The following ZNF141 variants were observed in gnomAD, a reference collection of about 807,000 sequenced individuals.
ZNF141 encodes zinc finger protein 141 (clone pHZ-44).
Under a neutral mutation model 11.3 loss-of-function variants are expected in ZNF141, and 7 were observed. That is an observed-to-expected ratio of 0.62 (90% CI 0.35 to 1.16). The LOEUF (loss-of-function observed/expected upper bound fraction) is 1.16. Among genes scored for constraint, ZNF141 ranks in the 50% most tolerant of loss-of-function variants. The pLI is 0.02. For missense variants in ZNF141, 535 were observed against 554.0 expected (o/e 0.97, Z 0.34); for synonymous variants, 183 against 190.7 (o/e 0.96, Z 0.33).
At chr4:340,900 C>T (rs570075832) in intron 1 of ZNF141, among the ~76,000 whole-genome samples, 15 of 152,262 alleles carry the variant, frequency 9.9e-5, no homozygotes, top group African/African-American at 3.4e-4. Context: ...TCAGTTCCGT[C>T]TGCCTTTCTT....
Position 344,399 on chromosome 4 carries a change from G to T in ZNF141, c.195G>T (p.Val65=). 2.5e-6 allele frequency: 4 copies of T among 1,607,806 alleles called. No individual in the cohort carries two copies. Among genetic ancestry groups the T allele is most frequent in the Non-Finnish European group, 3.4e-6 (4 of 1,175,590 alleles). Residue 65 remains valine (V), a synonymous_variant, in exon 3 of 4, where the codon GTG becomes GTT. Coordinates refer to ENST00000240499, the MANE Select transcript of ZNF141 (RefSeq NM_003441.4). The part of the protein sequence containing the change: ...CLEQRKEPYN[V]KIHKIVARPP... Reference sequence around the variant, plus strand: ...AGCAAAGAAAAGAGCCCTACAATGTGAAGATACATAAGATCGTAGCCAGAC... The same window carrying T: ...AGCAAAGAAAAGAGCCCTACAATGTTAAGATACATAAGATCGTAGCCAGAC...
Position 374,105 on chromosome 4 carries a change from T to C in ZNF141, c.*243T>C. On this transcript the variant is annotated 3_prime_UTR_variant, in exon 4 of 4. Transcript: ENST00000240499. ...CAAACCTGAATGAGCAGAAGAAAAT[T>C]ATTACTGGAGATAAACCCTGCAAAT... 1 of 530,186 alleles carries C rather than the reference T, an allele frequency of 1.9e-6. No homozygotes were observed. The highest frequency in any genetic ancestry group is 3.4e-6 in the Non-Finnish European group (1 of 297,928). 32.8% of individuals were successfully genotyped at this position (530,186 alleles called of 1,614,324 possible). A position where few individuals can be genotyped will look rare whatever the true frequency, so the allele number is the denominator to read the frequency against.
intron 1 of ZNF141, among the ~76,000 whole-genome samples, chr4:341,358 G>T (rs1560178554): frequency 6.6e-6 from 1 of 152,176 alleles, no homozygotes; most frequent in Non-Finnish European, 1.5e-5. Flanking sequence ...ACCGTGCCCA[G>T]CCTGTTTTGT....
In ZNF141 at chr4:375,699, A is replaced by G. The variant is rs1393644175; in HGVS notation, c.*1837A>G. 6.6e-6 allele frequency among the ~76,000 whole-genome samples: 1 copy of G among 152,094 alleles called. No homozygotes were observed. Among genetic ancestry groups the G allele is most frequent in the African/African-American group, 2.4e-5 (1 of 41,458 alleles). The stretch of plus-strand genomic sequence containing the variant: ...ATTTTTTCACTTGAAAAAAGTATAG[A>G]TTTTTTGAAAAGCATATAATAGTTA... On this transcript the variant is annotated 3_prime_UTR_variant, in exon 4 of 4. Coordinates refer to ENST00000240499, the MANE Select transcript of ZNF141 (RefSeq NM_003441.4).
chr4:372,857 C>T lies in ZNF141; in HGVS notation c.420C>T (p.Thr140=). 1 of 1,612,626 alleles carries T rather than the reference C, an allele frequency of 6.2e-7. No individual in the cohort carries two copies. The highest frequency in any genetic ancestry group is 8.5e-7 in the Non-Finnish European group (1 of 1,179,004). ...YNEFNECLST[T]QSKILQCKAS... Reference sequence around the variant, plus strand: ...AATTTAATGAATGCTTGTCAACTACCCAGAGCAAAATACTTCAGTGTAAAG... The same window carrying T: ...AATTTAATGAATGCTTGTCAACTACTCAGAGCAAAATACTTCAGTGTAAAG... The change falls in exon 4 of 4, where the codon ACC becomes ACT. Residue 140 remains threonine (T), a synonymous_variant. Coordinates refer to ENST00000240499, the MANE Select transcript of ZNF141 (RefSeq NM_003441.4).
chr4:368,650 A>G (rs1395009318), intron 3 of ZNF141, among the ~76,000 whole-genome samples: 1 of 152,236 alleles, frequency 6.6e-6, no homozygotes, highest in Non-Finnish European at 1.5e-5. Flanking sequence ...ACAATGCTAC[A>G]ATAATTGTGA....
chr4:339,213 G>A (rs1219324114), intron 1 of ZNF141, among the ~76,000 whole-genome samples: 2 of 152,196 alleles, frequency 1.3e-5, no homozygotes, highest in African/African-American at 4.8e-5. Flanking sequence ...AAGACTCCTG[G>A]TTCATTTTAA....
rs1553848930 is a variant in ZNF141 at position 343,768 on chromosome 4, AT to A, written c.4-11del. On this transcript the variant is annotated splice_polypyrimidine_tract_variant and intron_variant, in intron 1 of 3. Transcript: ENST00000240499. The stretch of plus-strand genomic sequence containing the variant: ...AAAAAAGAACTATGTCCCTTGATAT[AT>A]TTGTATTTTCAGGAACTCTTAACAT... 1 of 1,097,878 alleles carries A rather than the reference AT, an allele frequency of 9.1e-7. No homozygotes were observed. The highest frequency in any genetic ancestry group is 1.3e-6 in the Non-Finnish European group (1 of 755,462). The allele number at this position is 1,097,878 out of a possible 1,614,324, so 68.0% of individuals were successfully genotyped here. A position where few individuals can be genotyped will look rare whatever the true frequency, so the allele number is the denominator to read the frequency against.
At chr4:370,211 TA>T in intron 3 of ZNF141, among the ~76,000 whole-genome samples, 1 of 152,244 alleles carries the variant, frequency 6.6e-6, no homozygotes, top group Non-Finnish European at 1.5e-5. Flanking sequence ...ATGAATAGTT[TA>T]TAATCATTTT....
At chr4:367,541 G>A (rs1409763803) in intron 3 of ZNF141, among the ~76,000 whole-genome samples, 1 of 142,574 alleles carries the variant, frequency 7.0e-6, no homozygotes, top group Admixed American at 7.1e-5. Flanking sequence ...TTTTGATGTG[G>A]AGTCTCACTC....
intron 1 of ZNF141, chr4:343,097 G>C: frequency 1.7e-6 from 1 of 598,394 alleles, no homozygotes; most frequent in Non-Finnish European, 2.9e-6. Context: ...GATTAAAAAA[G>C]TCCTTATGTT....
chr4:342,244 A>G (rs1313719546), intron 1 of ZNF141, among the ~76,000 whole-genome samples: 1 of 152,210 alleles, frequency 6.6e-6, no homozygotes, highest in Non-Finnish European at 1.5e-5. Context: ...CACATATTAC[A>G]TGCCCCATAA....
At chr4:342,938 T>C in intron 1 of ZNF141, 1 of 1,546,064 alleles carries the variant, frequency 6.5e-7, no homozygotes, top group Non-Finnish European at 8.9e-7. Context: ...TCTACTTCAA[T>C]TATCTCCTGA....
intron 3 of ZNF141, among the ~76,000 whole-genome samples, chr4:347,926 C>T (rs1721415337): frequency 1.3e-5 from 2 of 151,368 alleles, no homozygotes; most frequent in African/African-American, 4.9e-5. Context: ...CTCACTGCAA[C>T]CTCTGTCTCT....
rs3749522 is a variant in ZNF141, at chr4:337,886, C to A, written c.-98C>A. On this transcript the variant is annotated 5_prime_UTR_variant, in exon 1 of 4. Transcript: ENST00000240499. ...CTCTGCGTTCTCAGTTGTGGGAGGC[C>A]TTGGTGATTCGGCCACAGCTCAGCC... is the stretch of plus-strand genomic sequence containing the variant. The A allele has an allele frequency of 0.11, 155,652 of 1,452,946 alleles. 9,536 individuals are homozygous for A. Among genetic ancestry groups the A allele is most frequent in the African/African-American group, 0.36 (20,225 of 56,600 alleles). The allele number at this position is 1,452,946 out of a possible 1,614,324, so 90.0% of individuals were successfully genotyped here. A position where few individuals can be genotyped will look rare whatever the true frequency, so the allele number is the denominator to read the frequency against.
At chr4:344,260 T>C (rs1721204801) in intron 2 of ZNF141, 75 bp from the exon 3 acceptor site, 2 of 1,268,118 alleles carry the variant, frequency 1.6e-6, no homozygotes, top group African/African-American at 3.0e-5. Flanking sequence ...TCTATTCTGC[T>C]TAGCGTAGTA....
chr4:353,373 T>TA lies in ZNF141; in HGVS notation c.226+8957dup, dbSNP rs368418265. On this transcript the variant is annotated intron_variant, in intron 3 of 3. Transcript: ENST00000240499. ...CTGAGTGACAAAGTGAGACCCTGTC[T>TA]AAAAAAAAAAAAAATCACAGCAGAC... 1.1e-3 allele frequency among the ~76,000 whole-genome samples: 152 copies of TA among 139,606 alleles called. 2 individuals carry two copies. The highest frequency in any genetic ancestry group is 3.7e-3 in the Middle Eastern group (1 of 268). The allele number at this position is 139,606 out of a possible 152,430, so 91.6% of individuals were successfully genotyped here. A position where few individuals can be genotyped will look rare whatever the true frequency, so the allele number is the denominator to read the frequency against.
chr4:371,272 C>T (rs1285000152), intron 3 of ZNF141, among the ~76,000 whole-genome samples: 1 of 150,382 alleles, frequency 6.6e-6, no homozygotes, highest in Non-Finnish European at 1.5e-5. Flanking sequence ...CATTCTGTCA[C>T]CCAGGCTGGA....
chr4:374,088 A>G lies in ZNF141; in HGVS notation c.*226A>G. The G allele has an allele frequency of 1.8e-6, 1 of 558,314 alleles. No homozygotes were observed. The highest frequency in any genetic ancestry group is 3.2e-6 in the Non-Finnish European group (1 of 314,668). The allele number at this position is 558,314 out of a possible 1,614,324, so 34.6% of individuals were successfully genotyped here. ...AGCCTGTGAATGGTCCACAAACCTG[A>G]ATGAGCAGAAGAAAATTATTACTGG... On this transcript the variant is annotated 3_prime_UTR_variant, in exon 4 of 4. Coordinates refer to ENST00000240499, the MANE Select transcript of ZNF141 (RefSeq NM_003441.4).
Sources: gnomAD v4.1 joint callset for allele counts (sites outside exome capture counted in the v4.1 genomes callset) on GRCh38, gnomAD v4.1.1 for gene constraint, MANE v1.5 for transcripts, NCBI Gene and HGNC (gene_info 2026-07-23, HGNC 2026-07-21) for gene names.